PRR14L: variants seen among roughly 807,000 people sequenced by gnomAD.
PRR14L encodes the protein protein PRR14L.
A neutral mutation model predicts 155.0 loss-of-function variants in PRR14L; 80 were observed. That is an observed-to-expected ratio of 0.52 (90% confidence interval 0.43 to 0.62). The LOEUF is 0.62. Among genes scored for constraint, PRR14L ranks in the 20% least tolerant of loss-of-function variants. PRR14L has a pLI of 0.00. For missense variants in PRR14L, 2,469 were observed against 2,548.0 expected (o/e 0.97, Z 0.67); for synonymous variants, 883 against 916.0 (o/e 0.96, Z 0.65).
Position 31,682,975 on chromosome 22 carries a change from C to T in PRR14L, c.*2552G>A, listed in dbSNP as rs1433519476. The T allele has an allele frequency of 6.6e-6, 1 of 152,218 alleles. No homozygotes were observed. Among genetic ancestry groups the T allele is most frequent in the East Asian group, 1.9e-4 (1 of 5,204 alleles). The allele number at this position is 152,218 out of a possible 1,614,324, so 9.4% of individuals were successfully genotyped here. On this transcript the variant is annotated 3_prime_UTR_variant, in exon 9 of 9. Coordinates refer to ENST00000327423, the MANE Select transcript of PRR14L (RefSeq NM_173566.3). ...AGCGCAGCTGGAGCCTAGGTATATA[C>T]ATCACCTTCAGGTAAGTAATTTCAA... is the stretch of plus-strand genomic sequence containing the variant.
chr22:31,737,111 A>G (rs1327605456), intron 2 of PRR14L, among the ~76,000 whole-genome samples: 1 of 151,884 alleles, frequency 6.6e-6, no homozygotes, highest in Non-Finnish European at 1.5e-5. Context: ...CCCCTGATAG[A>G]AAAAATTTGC....
At chr22:31,742,587 G>A (rs1204883290) in intron 1 of PRR14L, among the ~76,000 whole-genome samples, 5 of 151,972 alleles carry the variant, frequency 3.3e-5, no homozygotes, top group Admixed American at 2.0e-4. Flanking sequence ...GGCTGGTCTC[G>A]AACTCCTGAC....
intron 7 of PRR14L, among the ~76,000 whole-genome samples, chr22:31,691,089 G>A (rs184881937): frequency 4.0e-5 from 6 of 150,942 alleles, no homozygotes; most frequent in Admixed American, 2.6e-4. Context: ...TCAGCCTCCC[G>A]AGTAGCTGGG....
At chr22:31,724,101 A>T (rs1345149639) in intron 3 of PRR14L, among the ~76,000 whole-genome samples, 5 of 152,188 alleles carry the variant, frequency 3.3e-5, no homozygotes, top group Admixed American at 3.3e-4. Context: ...TGAGCTCCTT[A>T]TGAGAATCTA....
chr22:31,735,910 G>A (rs950542536), intron 2 of PRR14L, among the ~76,000 whole-genome samples: 7 of 151,042 alleles, frequency 4.6e-5, no homozygotes, highest in South Asian at 2.1e-4. Context: ...AAAATTAGCC[G>A]GGCATGGTGG....
At chr22:31,711,010 T>C (rs1275229181) in intron 4 of PRR14L, among the ~76,000 whole-genome samples, 1 of 152,222 alleles carries the variant, frequency 6.6e-6, no homozygotes, top group Non-Finnish European at 1.5e-5. Context: ...CTGTGTAATT[T>C]ATTCATTAAC....
chr22:31,689,123 A>C (rs2074498168), intron 7 of PRR14L, among the ~76,000 whole-genome samples: 1 of 152,202 alleles, frequency 6.6e-6, no homozygotes, highest in African/African-American at 2.4e-5. Context: ...TATATTTGAT[A>C]TGTTTTAATC....
intron 3 of PRR14L, among the ~76,000 whole-genome samples, chr22:31,721,241 G>A (rs1453298449): frequency 1.3e-5 from 2 of 152,208 alleles, no homozygotes; most frequent in Non-Finnish European, 2.9e-5. Flanking sequence ...CACTTCTCAT[G>A]TGTCTGCCCT....
In PRR14L at chr22:31,683,102, A is replaced by C. The variant is rs116151478; in HGVS notation, c.*2425T>G. ...GACGGGCAGGGCTGGCCTCACAACA[A>C]CTCCTCTCCTACATTGTCAGGACAG... On this transcript the variant is annotated 3_prime_UTR_variant, in exon 9 of 9. Transcript: ENST00000327423. 2 of 151,448 alleles carry C rather than the reference A, an allele frequency of 1.3e-5. No individual in the cohort carries two copies. Among genetic ancestry groups the C allele is most frequent in the African/African-American group, 4.9e-5 (2 of 41,202 alleles). The allele number at this position is 151,448 out of a possible 1,614,324, so 9.4% of individuals were successfully genotyped here. A position where few individuals can be genotyped will look rare whatever the true frequency, so the allele number is the denominator to read the frequency against.
chr22:31,745,138 G>A (rs1488400788), intron 1 of PRR14L, among the ~76,000 whole-genome samples: 1 of 152,234 alleles, frequency 6.6e-6, no homozygotes, highest in Non-Finnish European at 1.5e-5. Flanking sequence ...AGCACTTTGG[G>A]AGGACAAGGC....
At chr22:31,704,822 C>T (rs1162334064) in intron 4 of PRR14L, 96 bp from the exon 5 acceptor site, 1 of 793,414 alleles carries the variant, frequency 1.3e-6, no homozygotes, top group Admixed American at 2.3e-5. Flanking sequence ...ATGATAGCCC[C>T]AAGAAGACAA....
chr22:31,688,031 A>G (rs2074491329), intron 8 of PRR14L, 125 bp downstream of exon 8: 3 of 847,098 alleles, frequency 3.5e-6, no homozygotes, highest in Non-Finnish European at 4.9e-6. Context: ...CTGTCTCAAA[A>G]AAAAAAAAAA....
At chr22:31,736,548 G>A (rs779675802) in intron 2 of PRR14L, among the ~76,000 whole-genome samples, 1 of 152,156 alleles carries the variant, frequency 6.6e-6, no homozygotes, top group African/African-American at 2.4e-5. Flanking sequence ...TATCAAGAGC[G>A]GGATGGGAGC....
chr22:31,709,393 A>G (rs1475481159), intron 4 of PRR14L, among the ~76,000 whole-genome samples: 1 of 148,896 alleles, frequency 6.7e-6, no homozygotes, highest in Non-Finnish European at 1.5e-5. Context: ...CTGGAATTAC[A>G]GGCATAAGCC....
intron 4 of PRR14L, among the ~76,000 whole-genome samples, chr22:31,708,640 T>C (rs1470590861): frequency 1.3e-5 from 2 of 151,568 alleles, no homozygotes; most frequent in African/African-American, 2.4e-5. Context: ...AGCAGTCTTG[T>C]TGCTGTTGAA....
At chr22:31,737,209 G>A (rs576874828) in intron 2 of PRR14L, among the ~76,000 whole-genome samples, 5 of 151,438 alleles carry the variant, frequency 3.3e-5, no homozygotes, top group South Asian at 4.2e-4. Context: ...AGCAGGGTAC[G>A]GTGGCTCACG....
chr22:31,693,336 C>T (rs141230859), intron 7 of PRR14L, among the ~76,000 whole-genome samples: 14 of 152,130 alleles, frequency 9.2e-5, no homozygotes, highest in South Asian at 6.2e-4. Flanking sequence ...TCATACAGTA[C>T]GTAGTTTATT....
chr22:31,740,855 G>A (rs2074809133), intron 1 of PRR14L, among the ~76,000 whole-genome samples: 1 of 152,136 alleles, frequency 6.6e-6, no homozygotes, highest in Admixed American at 6.6e-5. Flanking sequence ...AAATCCAAAA[G>A]ATTAGGCTGG....
At chr22:31,737,831 G>C (rs1237051783) in intron 2 of PRR14L, among the ~76,000 whole-genome samples, 1 of 151,926 alleles carries the variant, frequency 6.6e-6, no homozygotes, top group Non-Finnish European at 1.5e-5. Context: ...TGGCCAACAT[G>C]ACGAAACCCC....
Sources: allele counts gnomAD v4.1 joint callset (sites outside exome capture counted in the v4.1 genomes callset), GRCh38; gene constraint gnomAD v4.1.1; transcripts MANE v1.5; gene names NCBI Gene and HGNC (gene_info 2026-07-23, HGNC 2026-07-21).